Variants in SCMH1 observed in about 807,000 individuals in gnomAD.
SCMH1 encodes Scm polycomb group protein homolog 1.
In SCMH1, 37 loss-of-function variants were observed where a neutral mutation model predicts 70.8. The ratio of observed to expected loss-of-function variants is 0.52; its 90% CI spans 0.40 to 0.69. SCMH1 has a LOEUF of 0.69. SCMH1 is among the 30% of genes least tolerant of loss of function. The pLI is 0.00. For synonymous variants in SCMH1, 292 were observed against 307.4 expected (o/e 0.95, Z 0.52); for missense variants, 607 against 827.3 (o/e 0.73, Z 3.27).
chr1:41,060,731 A>G (rs1652328489), intron 10 of SCMH1, among the ~76,000 whole-genome samples: 1 of 152,060 alleles, frequency 6.6e-6, no homozygotes, highest in African/African-American at 2.4e-5. Context: ...TGCAGCCTCA[A>G]TCTCCCAGGC....
chr1:41,172,656 G>A (rs1343709119), intron 2 of SCMH1, among the ~76,000 whole-genome samples: 1 of 152,046 alleles, frequency 6.6e-6, no homozygotes, highest in Non-Finnish European at 1.5e-5. Context: ...GAACAAAGCT[G>A]GAGGCATCAC....
intron 6 of SCMH1, among the ~76,000 whole-genome samples, chr1:41,124,011 G>T (rs1054213310): frequency 4.6e-5 from 7 of 152,000 alleles, no homozygotes; most frequent in African/African-American, 1.4e-4. Flanking sequence ...GAGAAGGCCT[G>T]GGGAACATGG....
chr1:41,032,933 T>G (rs1166363757), intron 13 of SCMH1, among the ~76,000 whole-genome samples: 1 of 147,760 alleles, frequency 6.8e-6, no homozygotes, highest in Non-Finnish European at 1.5e-5. Flanking sequence ...GAGCCGAGAT[T>G]GCGCCACTGC....
intron 1 of SCMH1, among the ~76,000 whole-genome samples, chr1:41,216,264 G>A (rs950026059): frequency 6.6e-6 from 1 of 152,102 alleles, no homozygotes. Context: ...CACTGTGATC[G>A]GCACTAAAGA....
intron 1 of SCMH1, among the ~76,000 whole-genome samples, chr1:41,203,993 G>C (rs1654952075): frequency 6.6e-6 from 1 of 152,152 alleles, no homozygotes; most frequent in Non-Finnish European, 1.5e-5. Context: ...CTGGGTTAGG[G>C]TCTCCCCGAC....
intron 1 of SCMH1, among the ~76,000 whole-genome samples, chr1:41,234,367 G>T (rs532078266): frequency 6.6e-6 from 1 of 150,412 alleles, no homozygotes; most frequent in South Asian, 2.1e-4. Flanking sequence ...TGTAATCCTA[G>T]CTACTTGGAA....
At chr1:41,154,963 A>T (rs867045211) in intron 4 of SCMH1, among the ~76,000 whole-genome samples, 12 of 152,338 alleles carry the variant, frequency 7.9e-5, no homozygotes, top group Middle Eastern at 3.4e-3. Context: ...TAAACAATAA[A>T]TAAACAAGGC....
At chr1:41,053,230 A>G (rs1054417982) in intron 10 of SCMH1, among the ~76,000 whole-genome samples, 1 of 152,012 alleles carries the variant, frequency 6.6e-6, no homozygotes, top group Non-Finnish European at 1.5e-5. Flanking sequence ...TAGAAACTTT[A>G]CCTCAGTTAA....
At chr1:41,219,642 A>G (rs573923728) in intron 1 of SCMH1, among the ~76,000 whole-genome samples, 10 of 152,312 alleles carry the variant, frequency 6.6e-5, no homozygotes, top group African/African-American at 2.4e-4. Context: ...TCAAATAGAA[A>G]AACGTGGCCG....
At chr1:41,091,929 GA>G (rs61673542) in intron 8 of SCMH1, among the ~76,000 whole-genome samples, 129,023 of 152,006 alleles carry the variant, frequency 0.85, 55,252 homozygotes, top group East Asian at 0.96. Context: ...TCAATATTGT[GA>G]AAAATGGCCA....
chr1:41,092,329 G>C (rs1440814169), intron 8 of SCMH1, among the ~76,000 whole-genome samples: 2 of 152,150 alleles, frequency 1.3e-5, no homozygotes, highest in Admixed American at 6.5e-5. Flanking sequence ...TATGTAGAAA[G>C]CTGAAACTGG....
chr1:41,194,266 C>A (rs1475475226), intron 1 of SCMH1, among the ~76,000 whole-genome samples: 1 of 152,170 alleles, frequency 6.6e-6, no homozygotes, highest in Non-Finnish European at 1.5e-5. Context: ...TATATTCATA[C>A]ACAGCCTAAT....
chr1:41,114,027 G>GTA (rs529225745), intron 7 of SCMH1, among the ~76,000 whole-genome samples: 53 of 152,058 alleles, frequency 3.5e-4, no homozygotes, highest in Middle Eastern at 3.4e-3. Context: ...GTATTTCATT[G>GTA]TATATATATA....
At chr1:41,076,944 A>AGAAGG (rs1658456879) in intron 8 of SCMH1, among the ~76,000 whole-genome samples, 1 of 152,198 alleles carries the variant, frequency 6.6e-6, no homozygotes, top group Admixed American at 6.5e-5. Flanking sequence ...AGATATACTT[A>AGAAGG]GAAGGACCAC....
chr1:41,062,788 G>A (rs990092622), intron 10 of SCMH1, among the ~76,000 whole-genome samples: 42 of 149,526 alleles, frequency 2.8e-4, no homozygotes, highest in East Asian at 2.3e-3. Flanking sequence ...GTGTGGTGGC[G>A]TGTGCCTGTA....
intron 7 of SCMH1, among the ~76,000 whole-genome samples, 190 bp downstream of exon 7, chr1:41,116,732 A>G (rs1670558396): frequency 6.6e-6 from 1 of 151,722 alleles, no homozygotes; most frequent in Non-Finnish European, 1.5e-5. Flanking sequence ...GGACCATATA[A>G]TCTAATCTAT....
intron 1 of SCMH1, among the ~76,000 whole-genome samples, chr1:41,192,495 G>GACACATACAC (rs368747142): frequency 6.7e-6 from 1 of 148,646 alleles, no homozygotes; most frequent in Non-Finnish European, 1.5e-5. Context: ...TTAAATAGGA[G>GACACATACAC]ACACACACAC....
intron 2 of SCMH1, 21 bp downstream of exon 2, chr1:41,186,100 A>G (rs1650134341): frequency 1.3e-6 from 2 of 1,547,122 alleles, no homozygotes; most frequent in East Asian, 2.4e-5. Context: ...TACCTCCACG[A>G]TAGGGTAAAA....
intron 8 of SCMH1, among the ~76,000 whole-genome samples, chr1:41,077,551 A>G (rs948362277): frequency 6.6e-6 from 1 of 152,158 alleles, no homozygotes; most frequent in Non-Finnish European, 1.5e-5. Context: ...AGATATTTTA[A>G]AACTATAAGG....
Sources: allele counts gnomAD v4.1 joint callset (sites outside exome capture counted in the v4.1 genomes callset), GRCh38; gene constraint gnomAD v4.1.1; transcripts MANE v1.5; gene names NCBI Gene and HGNC (gene_info 2026-07-23, HGNC 2026-07-21).